Variants in RSRC1 observed in about 807,000 individuals in gnomAD.
RSRC1 encodes arginine and serine rich coiled-coil 1.
Under a neutral mutation model 49.1 loss-of-function variants are expected in RSRC1, and 39 were observed. That is an observed-to-expected ratio of 0.79 (90% CI 0.61 to 1.04). The LOEUF (loss-of-function observed/expected upper bound fraction) is 1.04, where lower values mean the gene tolerates loss of function less well. RSRC1 is among the 50% of genes least tolerant of loss of function. RSRC1 has a pLI of 0.00. For synonymous variants in RSRC1, 143 were observed against 130.8 expected (o/e 1.09, Z -0.63); for missense variants, 388 against 402.4 (o/e 0.96, Z 0.31).
At chr3:158,244,790 C>T (rs1481687454) in intron 4 of RSRC1, among the ~76,000 whole-genome samples, 1 of 152,002 alleles carries the variant, frequency 6.6e-6, no homozygotes, top group African/African-American at 2.4e-5. Flanking sequence ...TTTATTAGTG[C>T]TGCAGTTTCA....
intron 6 of RSRC1, among the ~76,000 whole-genome samples, chr3:158,457,747 T>G (rs918052500): frequency 8.5e-5 from 12 of 140,794 alleles, no homozygotes; most frequent in African/African-American, 1.2e-4. Flanking sequence ...TTTGTTTTTT[T>G]TTTTTGTTTG....
rs748901614 is a variant in RSRC1, at chr3:158,215,058, G to A, written c.494+11813G>A. Among the ~76,000 whole-genome samples the A allele has an allele frequency of 1.7e-4, 26 of 151,474 alleles. 1 individual carries two copies. Among genetic ancestry groups the A allele is most frequent in the Admixed American group, 1.1e-3 (17 of 15,166 alleles). On this transcript the variant is annotated intron_variant, in intron 4 of 9. Transcript: ENST00000611884. ...GATTTTGCTTTGTGTATTTTTTAGC[G>A]CTTTTGTTTGGTTTTATTTGGTGTA...
intron 6 of RSRC1, among the ~76,000 whole-genome samples, chr3:158,381,324 CAA>C (rs2108281041): frequency 6.6e-6 from 1 of 152,294 alleles, no homozygotes. Context: ...GTGATGAGCT[CAA>C]GTGTTACATG....
rs1054764682 is a variant in RSRC1, at chr3:158,254,094, C to T, written c.495-43945C>T. Reference sequence around the variant, plus strand: ...TCCATGTCCCTGCAAAGGACATGAACTCATCCTTTTTTATGGCTGCATAGT... The same window carrying T: ...TCCATGTCCCTGCAAAGGACATGAATTCATCCTTTTTTATGGCTGCATAGT... On this transcript the variant is annotated intron_variant, in intron 4 of 9. Transcript: ENST00000611884. 2.2e-4 allele frequency among the ~76,000 whole-genome samples: 34 copies of T among 152,280 alleles called. 1 individual carries two copies. The highest frequency in any genetic ancestry group is 2.0e-3 in the Admixed American group (30 of 15,292).
intron 6 of RSRC1, among the ~76,000 whole-genome samples, chr3:158,373,443 GTTTTA>G (rs1352484176): frequency 6.6e-6 from 1 of 151,760 alleles, no homozygotes; most frequent in Non-Finnish European, 1.5e-5. Flanking sequence ...AAGAATGAAT[GTTTTA>G]TTTTGTCAAA....
At chr3:158,344,445 A>G (rs370523903) in intron 5 of RSRC1, among the ~76,000 whole-genome samples, 5 of 152,322 alleles carry the variant, frequency 3.3e-5, no homozygotes, top group Admixed American at 6.5e-5. Context: ...CAAACCACAG[A>G]CAGTAAAGTA....
intron 6 of RSRC1, among the ~76,000 whole-genome samples, chr3:158,428,165 A>C (rs1046560714): frequency 6.6e-6 from 1 of 151,530 alleles, no homozygotes; most frequent in African/African-American, 2.4e-5. Flanking sequence ...TCAAGCCTCT[A>C]CTCTCAGTAT....
chr3:158,176,386 A>G (rs1471863857), intron 3 of RSRC1, among the ~76,000 whole-genome samples: 1 of 152,240 alleles, frequency 6.6e-6, no homozygotes, highest in South Asian at 2.1e-4. Context: ...GCATCACGCT[A>G]CCTGACTTCA....
intron 5 of RSRC1, among the ~76,000 whole-genome samples, chr3:158,309,767 CATTAAT>C (rs1484276877): frequency 6.6e-6 from 1 of 151,726 alleles, no homozygotes; most frequent in Non-Finnish European, 1.5e-5. Flanking sequence ...TAATCTAAAA[CATTAAT>C]ATAATCTTTC....
chr3:158,206,689 G>A (rs911938778), intron 4 of RSRC1, among the ~76,000 whole-genome samples: 1 of 152,092 alleles, frequency 6.6e-6, no homozygotes, highest in East Asian at 1.9e-4. Flanking sequence ...CGAGGCGGGT[G>A]GATCACCTGA....
At chr3:158,297,958 T>G in intron 4 of RSRC1, 81 bp from the exon 5 acceptor site, 3 of 997,318 alleles carry the variant, frequency 3.0e-6, no homozygotes, top group Non-Finnish European at 3.2e-6. Context: ...TTACAAGGGT[T>G]TATAAAACAT....
intron 4 of RSRC1, among the ~76,000 whole-genome samples, chr3:158,242,330 G>A (rs547480909): frequency 2.4e-4 from 37 of 152,128 alleles, no homozygotes; most frequent in African/African-American, 8.9e-4. Flanking sequence ...GTGTTAGTTT[G>A]CTGAGGACAA....
intron 3 of RSRC1, among the ~76,000 whole-genome samples, chr3:158,162,909 C>T (rs1718318377): frequency 6.6e-6 from 1 of 152,184 alleles, no homozygotes; most frequent in African/African-American, 2.4e-5. Context: ...TATTCGTTAA[C>T]TCTTCCAGGT....
At chr3:158,395,563 A>G (rs1026027056) in intron 6 of RSRC1, among the ~76,000 whole-genome samples, 2 of 152,142 alleles carry the variant, frequency 1.3e-5, no homozygotes, top group African/African-American at 4.8e-5. Flanking sequence ...GCACCCAACA[A>G]GTACACAAAA....
chr3:158,505,910 A>G (rs1270676052), intron 7 of RSRC1, among the ~76,000 whole-genome samples: 1 of 152,168 alleles, frequency 6.6e-6, no homozygotes, highest in Non-Finnish European at 1.5e-5. Flanking sequence ...TTCATGTAGG[A>G]AAATGATGTG....
At chr3:158,422,646 G>A (rs1253362294) in intron 6 of RSRC1, among the ~76,000 whole-genome samples, 55 of 150,538 alleles carry the variant, frequency 3.7e-4, no homozygotes, top group Non-Finnish European at 5.3e-4. Context: ...CTGAGGAATC[G>A]CCACACTGAC....
At chr3:158,490,542 A>G (rs1357647190) in intron 7 of RSRC1, among the ~76,000 whole-genome samples, 1 of 152,218 alleles carries the variant, frequency 6.6e-6, no homozygotes, top group Non-Finnish European at 1.5e-5. Flanking sequence ...TTGTATATTT[A>G]TAGATATAGT....
intron 7 of RSRC1, among the ~76,000 whole-genome samples, chr3:158,536,658 G>C (rs927822380): frequency 6.6e-6 from 1 of 151,110 alleles, no homozygotes; most frequent in African/African-American, 2.4e-5. Context: ...GTGATGCCTG[G>C]GATTTATTTT....
chr3:158,439,240 G>A (rs1736238186), intron 6 of RSRC1, among the ~76,000 whole-genome samples: 1 of 152,138 alleles, frequency 6.6e-6, no homozygotes, highest in South Asian at 2.1e-4. Context: ...TTCAACCATT[G>A]TGGAAGACAG....
Sources: allele counts gnomAD v4.1 joint callset (sites outside exome capture counted in the v4.1 genomes callset), GRCh38; gene constraint gnomAD v4.1.1; transcripts MANE v1.5; gene names NCBI Gene and HGNC (gene_info 2026-07-23, HGNC 2026-07-21).